The following TNNT2 variants were observed in gnomAD, a reference collection of about 807,000 sequenced individuals.
TNNT2 encodes the protein troponin T, cardiac muscle.
In TNNT2, 34 loss-of-function variants were observed where a neutral mutation model predicts 62.4. The ratio of observed to expected loss-of-function variants is 0.54; its 90% CI spans 0.41 to 0.72. The LOEUF is 0.72. TNNT2 is among the 30% of genes least tolerant of loss of function. TNNT2 has a pLI of 0.00. For synonymous variants in TNNT2, 123 were observed against 127.2 expected (o/e 0.97, Z 0.22); for missense variants, 275 against 381.9 (o/e 0.72, Z 2.33).
At chr1:201,374,247 A>G (rs1206831894) in intron 1 of TNNT2, 1 of 131,520 alleles carries the variant, frequency 7.6e-6, no homozygotes, top group Non-Finnish European at 1.6e-5. Context: ...CTAGTCTTTA[A>G]TTATGTCAAT....
Position 201,359,164 on chromosome 1 carries a change from G to A in TNNT2, c.*46C>T, listed in dbSNP as rs1288090291. On this transcript the variant is annotated 3_prime_UTR_variant, in exon 17 of 17. Transcript: ENST00000656932. ...GGGAACTGGGGGAGTGCAGGCCGGA[G>A]GCAGGTGCGAGCGAGGAGCAGATCT... The A allele has an allele frequency of 6.3e-7, 1 of 1,592,718 alleles. No individual in the cohort carries two copies. Among genetic ancestry groups the A allele is most frequent in the Non-Finnish European group, 8.5e-7 (1 of 1,170,768 alleles).
chr1:201,367,860 C>G (rs372760099), intron 6 of TNNT2, 54 bp from the exon 7 acceptor site: 2 of 1,599,886 alleles, frequency 1.3e-6, no homozygotes, highest in Non-Finnish European at 8.6e-7. Flanking sequence ...TCAAGTCCCC[C>G]CCTCCGCCAC....
chr1:201,364,967 G>A (rs145788433), intron 10 of TNNT2, among the ~76,000 whole-genome samples: 172 of 152,326 alleles, frequency 1.1e-3, no homozygotes, highest in African/African-American at 3.8e-3. Context: ...AGCTCTGGCA[G>A]TCAAGGAGCA....
At chr1:201,366,970 C>G in intron 7 of TNNT2, 99 bp from the exon 8 acceptor site, 1 of 1,600,596 alleles carries the variant, frequency 6.2e-7, no homozygotes, top group Non-Finnish European at 8.5e-7. Context: ...TTCCATTTCC[C>G]CATCTGCACA....
intron 5 of TNNT2, 66 bp downstream of exon 5, chr1:201,369,750 G>A (rs1315136707): frequency 1.7e-5 from 27 of 1,606,980 alleles, no homozygotes; most frequent in Non-Finnish European, 2.2e-5. Flanking sequence ...CAGGGCCCCT[G>A]GACAAGGAGG....
intron 11 of TNNT2, 87 bp downstream of exon 11, chr1:201,364,211 A>C: frequency 7.4e-7 from 1 of 1,359,052 alleles, no homozygotes; most frequent in African/African-American, 1.4e-5. Context: ...GATTTCATTC[A>C]TGTTGATGAA....
chr1:201,367,855 T>TC (rs770009853), intron 6 of TNNT2, 49 bp from the exon 7 acceptor site: 4 of 1,606,186 alleles, frequency 2.5e-6, no homozygotes, highest in Non-Finnish European at 2.6e-6. Flanking sequence ...TGAGCTCAAG[T>TC]CCCCCCCTCC....
intron 4 of TNNT2, 102 bp from the exon 5 acceptor site, chr1:201,369,947 A>C (rs1660375945): frequency 7.4e-6 from 10 of 1,350,546 alleles, no homozygotes; most frequent in East Asian, 2.3e-5. Flanking sequence ...CAGTGGTTTT[A>C]AGAGTGTGGG....
chr1:201,374,998 G>C (rs1367957041), intron 1 of TNNT2: 1 of 152,498 alleles, frequency 6.6e-6, no homozygotes, highest in Non-Finnish European at 1.5e-5. Context: ...CCACTCACGC[G>C]TGCCAGTGCT....
At chr1:201,362,099 G>A (rs770862799) in intron 13 of TNNT2, 77 bp from the exon 14 acceptor site, 1 of 1,529,154 alleles carries the variant, frequency 6.5e-7, no homozygotes, top group Non-Finnish European at 9.1e-7. Flanking sequence ...AACCCCCTGG[G>A]GGTGGAGCAA....
intron 5 of TNNT2, chr1:201,369,488 C>G: frequency 4.0e-6 from 2 of 500,724 alleles, no homozygotes; most frequent in Admixed American, 4.7e-5. Context: ...GGCAGGGTGG[C>G]GCTGCTGTCT....
chr1:201,369,695 C>T lies in TNNT2; in HGVS notation c.97+121G>A. Reference sequence around the variant, plus strand: ...GGGAGGCAGGGGAGGAAACGACTGACCCACTCCGTCCCTGCCGCCTACTCA... The same window carrying T: ...GGGAGGCAGGGGAGGAAACGACTGATCCACTCCGTCCCTGCCGCCTACTCA... On this transcript the variant is annotated intron_variant, in intron 5 of 16. Transcript: ENST00000656932. 2.5e-6 allele frequency: 3 copies of T among 1,208,822 alleles called. No individual in the cohort carries two copies. In the South Asian group the frequency reaches 3.6e-5, roughly 15 times the overall value. The allele number at this position is 1,208,822 out of a possible 1,614,324, so 74.9% of individuals were successfully genotyped here.
At chr1:201,359,536 G>C (rs1658199046) in intron 16 of TNNT2, 87 bp downstream of exon 16, 2 of 1,341,752 alleles carry the variant, frequency 1.5e-6, no homozygotes, top group Non-Finnish European at 2.1e-6. Context: ...GGGAGCCTGG[G>C]GCCCTCCAAG....
At chr1:201,362,480 G>A (rs565379371) in intron 12 of TNNT2, 86 bp from the exon 13 acceptor site, 1 of 1,516,490 alleles carries the variant, frequency 6.6e-7, no homozygotes, top group African/African-American at 1.4e-5. Flanking sequence ...GAAGACAAAG[G>A]CAAGGAGAGA....
intron 6 of TNNT2, 134 bp downstream of exon 6, chr1:201,368,028 G>A: frequency 9.5e-7 from 1 of 1,053,720 alleles, no homozygotes; most frequent in Non-Finnish European, 1.5e-6. Context: ...GCAATCAATG[G>A]TTGAATCTTA....
intron 12 of TNNT2, among the ~76,000 whole-genome samples, 153 bp from the exon 13 acceptor site, chr1:201,362,547 G>A (rs1225268441): frequency 6.6e-6 from 1 of 152,168 alleles, no homozygotes; most frequent in Non-Finnish European, 1.5e-5. Context: ...TAGGACGTGG[G>A]TCTGAGGGTT....
chr1:201,372,973 T>A (rs1660868856), intron 2 of TNNT2: 1 of 661,836 alleles, frequency 1.5e-6, no homozygotes. Context: ...CCAAGGACAC[T>A]GATGACCCTG....
At chr1:201,376,451 G>A (rs1661410787) in intron 1 of TNNT2, among the ~76,000 whole-genome samples, 1 of 152,136 alleles carries the variant, frequency 6.6e-6, no homozygotes, top group African/African-American at 2.4e-5. Context: ...GCACTCGAAT[G>A]GGATTTTCCT....
intron 9 of TNNT2, 105 bp from the exon 10 acceptor site, chr1:201,365,412 G>T: frequency 8.0e-7 from 1 of 1,243,084 alleles, no homozygotes; most frequent in Non-Finnish European, 1.2e-6. Context: ...CCTCTGGCAG[G>T]GCCTGGCGCC....
Sources: gnomAD v4.1 joint callset for allele counts (sites outside exome capture counted in the v4.1 genomes callset) on GRCh38, gnomAD v4.1.1 for gene constraint, MANE v1.5 for transcripts, NCBI Gene and HGNC (gene_info 2026-07-23, HGNC 2026-07-21) for gene names.